The following RASAL2 variants were observed in gnomAD, a reference collection of about 807,000 sequenced individuals.
RASAL2 encodes the protein RAS protein activator like 2.
In RASAL2, 58 loss-of-function variants were observed where a neutral mutation model predicts 128.9. The ratio of observed to expected loss-of-function variants is 0.45; its 90% CI spans 0.36 to 0.56. The LOEUF (loss-of-function observed/expected upper bound fraction) is 0.56. Among genes scored for constraint, RASAL2 ranks in the 20% least tolerant of loss-of-function variants. RASAL2 has a pLI of 0.00. For synonymous variants in RASAL2, 561 were observed against 580.8 expected (o/e 0.97, Z 0.49); for missense variants, 1,360 against 1,601.6 (o/e 0.85, Z 2.57).
chr1:178,133,707 A>G (rs796487952), intron 1 of RASAL2, among the ~76,000 whole-genome samples: 11 of 152,276 alleles, frequency 7.2e-5, no homozygotes, highest in African/African-American at 2.6e-4. Flanking sequence ...GGGCAAATAT[A>G]AAAGAGAGAG....
chr1:178,341,980 C>T (rs1669906589), intron 3 of RASAL2, among the ~76,000 whole-genome samples: 1 of 152,176 alleles, frequency 6.6e-6, no homozygotes, highest in African/African-American at 2.4e-5. Context: ...AGGTAAAGCT[C>T]ATTTCTCTCT....
At chr1:178,393,666 C>T (rs947110854) in intron 4 of RASAL2, among the ~76,000 whole-genome samples, 1 of 152,168 alleles carries the variant, frequency 6.6e-6, no homozygotes, top group African/African-American at 2.4e-5. Flanking sequence ...TTCTTTCGCT[C>T]TCATTCCATA....
chr1:178,296,915 AC>A (rs1409263407), intron 2 of RASAL2, among the ~76,000 whole-genome samples: 2 of 148,430 alleles, frequency 1.3e-5, no homozygotes, highest in Admixed American at 1.3e-4. Context: ...CAGGTGATCT[AC>A]TCACCTCAGC....
At chr1:178,306,959 A>G (rs1488096745) in intron 3 of RASAL2, among the ~76,000 whole-genome samples, 1 of 151,766 alleles carries the variant, frequency 6.6e-6, no homozygotes, top group Non-Finnish European at 1.5e-5. Context: ...GCACATGTAT[A>G]CATATGTAAC....
chr1:178,283,199 T>G (rs997719259), intron 1 of RASAL2, among the ~76,000 whole-genome samples: 2 of 152,160 alleles, frequency 1.3e-5, no homozygotes, highest in African/African-American at 4.8e-5. Flanking sequence ...AACATCATCT[T>G]TCTCCTAAAG....
At chr1:178,247,707 G>T (rs1384894016) in intron 1 of RASAL2, among the ~76,000 whole-genome samples, 1 of 152,134 alleles carries the variant, frequency 6.6e-6, no homozygotes, top group Non-Finnish European at 1.5e-5. Context: ...TGGGCATTTA[G>T]TACTATAAAT....
At chr1:178,393,446 C>T (rs980022322) in intron 4 of RASAL2, among the ~76,000 whole-genome samples, 20 of 152,118 alleles carry the variant, frequency 1.3e-4, no homozygotes, top group Admixed American at 6.5e-5. Context: ...GGTATGTGCT[C>T]CTATGAGAAT....
intron 1 of RASAL2, among the ~76,000 whole-genome samples, chr1:178,259,172 C>A (rs1445427046): frequency 1.4e-5 from 2 of 142,772 alleles, no homozygotes; most frequent in Non-Finnish European, 3.0e-5. Flanking sequence ...GCTCTGTGGC[C>A]CAGGTGGGAG....
At chr1:178,284,434 G>C (rs1666925104) in intron 2 of RASAL2, among the ~76,000 whole-genome samples, 1 of 152,216 alleles carries the variant, frequency 6.6e-6, no homozygotes, top group Non-Finnish European at 1.5e-5. Flanking sequence ...GTAGAGGTCA[G>C]CTTCCTGAAA....
intron 1 of RASAL2, among the ~76,000 whole-genome samples, chr1:178,165,997 C>T (rs1431143942): frequency 1.3e-5 from 2 of 152,086 alleles, no homozygotes; most frequent in African/African-American, 2.4e-5. Context: ...TGTGCACATA[C>T]ATACTCACCA....
intron 1 of RASAL2, among the ~76,000 whole-genome samples, chr1:178,185,764 A>G (rs1029394343): frequency 5.3e-5 from 8 of 152,106 alleles, no homozygotes; most frequent in Admixed American, 1.3e-4. Context: ...AATTCTTCCT[A>G]TGAAATGCTG....
At chr1:178,136,255 A>G (rs1571527580) in intron 1 of RASAL2, among the ~76,000 whole-genome samples, 1 of 152,322 alleles carries the variant, frequency 6.6e-6, no homozygotes, top group East Asian at 1.9e-4. Flanking sequence ...GAGAGGCAAT[A>G]TAATGTAGCA....
intron 17 of RASAL2, among the ~76,000 whole-genome samples, chr1:178,471,875 C>G (rs1420157262): frequency 6.6e-6 from 1 of 152,182 alleles, no homozygotes; most frequent in African/African-American, 2.4e-5. Flanking sequence ...AGCACCAGCC[C>G]TGAGCCCTGC....
At chr1:178,194,387 G>A in intron 1 of RASAL2, 1 of 224,242 alleles carries the variant, frequency 4.5e-6, no homozygotes. Context: ...GGATGTCTTT[G>A]GGCATCTCTT....
chr1:178,314,170 C>T (rs543683339), intron 3 of RASAL2, among the ~76,000 whole-genome samples: 1 of 152,190 alleles, frequency 6.6e-6, no homozygotes, highest in African/African-American at 2.4e-5. Context: ...ACATAGGTCT[C>T]TTGTAGACTC....
chr1:178,095,627 G>A (rs1315387655), intron 1 of RASAL2, among the ~76,000 whole-genome samples: 1 of 152,222 alleles, frequency 6.6e-6, no homozygotes, highest in Non-Finnish European at 1.5e-5. Context: ...ATCTAAGCCT[G>A]TAGTGATCAA....
intron 3 of RASAL2, among the ~76,000 whole-genome samples, chr1:178,358,237 T>TAAAAAAA (rs71567191): frequency 3.2e-4 from 11 of 34,764 alleles, no homozygotes; most frequent in African/African-American, 6.0e-4. Context: ...CTCTGTCTCC[T>TAAAAAAA]AAAAAAAAAA....
chr1:178,458,567 C>T, intron 14 of RASAL2, 23 bp downstream of exon 14: 1 of 1,567,302 alleles, frequency 6.4e-7, no homozygotes, highest in Non-Finnish European at 8.6e-7. Flanking sequence ...GCTGAAGGGG[C>T]CTGGCTTCTA....
chr1:178,413,420 C>T (rs1238808631), intron 4 of RASAL2, among the ~76,000 whole-genome samples: 1 of 151,892 alleles, frequency 6.6e-6, no homozygotes, highest in African/African-American at 2.4e-5. Context: ...TTATGAAGTT[C>T]ACAGTCCAGA....
Sources: allele counts gnomAD v4.1 joint callset (sites outside exome capture counted in the v4.1 genomes callset), GRCh38; gene constraint gnomAD v4.1.1; transcripts MANE v1.5; gene names NCBI Gene and HGNC (gene_info 2026-07-23, HGNC 2026-07-21).